Variants in ASTN2 observed in about 807,000 individuals in gnomAD.
ASTN2 encodes the protein astrotactin-2.
A neutral mutation model predicts 139.8 loss-of-function variants in ASTN2; 54 were observed. The observed-to-expected ratio is 0.39, with a 90% CI of 0.31 to 0.48. ASTN2 has a LOEUF of 0.48. Among genes scored for constraint, ASTN2 ranks in the 20% least tolerant of loss-of-function variants. The probability of loss-of-function intolerance (pLI) is 0.95; values close to 1 mark genes in which losing one functional copy is unlikely to be tolerated. For synonymous variants in ASTN2, 756 were observed against 719.5 expected (o/e 1.05, Z -0.81); for missense variants, 1,565 against 1,725.1 (o/e 0.91, Z 1.64).
intron 2 of ASTN2, among the ~76,000 whole-genome samples, chr9:117,229,592 G>C (rs1832826129): frequency 6.6e-6 from 1 of 152,186 alleles, no homozygotes; most frequent in Non-Finnish European, 1.5e-5. Context: ...GATGAGGTCT[G>C]GAAGAGCCTG....
chr9:116,454,750 A>G (rs1402074358), intron 20 of ASTN2, among the ~76,000 whole-genome samples: 1 of 152,194 alleles, frequency 6.6e-6, no homozygotes, highest in Non-Finnish European at 1.5e-5. Context: ...GGACATGGAC[A>G]AAGCTGGAAA....
chr9:117,135,867 C>A (rs139724197), intron 4 of ASTN2, among the ~76,000 whole-genome samples: 60 of 152,186 alleles, frequency 3.9e-4, no homozygotes, highest in African/African-American at 1.4e-3. Flanking sequence ...ACCTAGAAAG[C>A]AAGGCATACT....
At position 116,984,485 on chromosome 9, in the gene ASTN2, G is replaced by A. The variant is rs1459745043; in HGVS notation, c.1592-7700C>T. Among the ~76,000 whole-genome samples the A allele has an allele frequency of 3.9e-5, 6 of 152,172 alleles. No individual in the cohort carries two copies. In the East Asian group the frequency reaches 9.6e-4, roughly 24 times the overall value. On this transcript the variant is annotated intron_variant, in intron 7 of 22. Coordinates refer to ENST00000313400, the MANE Select transcript of ASTN2 (RefSeq NM_001365068.1). ...ATTTTTTCTGAGTCTATTGGTAAGA[G>A]CAGGGTCACTTGAGACCAACGTTCA...
At chr9:117,115,788 G>T (rs894813425) in intron 4 of ASTN2, among the ~76,000 whole-genome samples, 1 of 152,056 alleles carries the variant, frequency 6.6e-6, no homozygotes, top group Non-Finnish European at 1.5e-5. Context: ...CACTTTGGGA[G>T]GCCAAGGCAG....
chr9:116,839,834 C>G (rs947847836), intron 11 of ASTN2, among the ~76,000 whole-genome samples: 1 of 119,170 alleles, frequency 8.4e-6, no homozygotes, highest in African/African-American at 4.6e-5. Context: ...CCACACCCAG[C>G]TGATTTTTTT....
chr9:117,217,676 G>A (rs1315398677), intron 2 of ASTN2, among the ~76,000 whole-genome samples: 1 of 152,144 alleles, frequency 6.6e-6, no homozygotes, highest in Non-Finnish European at 1.5e-5. Flanking sequence ...CACCTCATTG[G>A]GTCATGAAGG....
chr9:116,883,989 T>C (rs1422058355), intron 10 of ASTN2, among the ~76,000 whole-genome samples: 1 of 152,152 alleles, frequency 6.6e-6, no homozygotes, highest in Non-Finnish European at 1.5e-5. Flanking sequence ...TCTTGTGGCA[T>C]CTGAAGGAGA....
chr9:116,630,073 T>C (rs1034435448), intron 17 of ASTN2, among the ~76,000 whole-genome samples: 1 of 152,196 alleles, frequency 6.6e-6, no homozygotes, highest in Non-Finnish European at 1.5e-5. Context: ...TTTTGAAGAC[T>C]TTTCTATTCC....
chr9:117,019,961 G>A (rs533628905), intron 6 of ASTN2, among the ~76,000 whole-genome samples: 4 of 151,324 alleles, frequency 2.6e-5, no homozygotes, highest in Non-Finnish European at 5.9e-5. Flanking sequence ...TATCATCTCA[G>A]ATTTGAAATA....
At chr9:116,583,135 C>A (rs56392634) in intron 19 of ASTN2, 4,874 of 152,256 alleles carry the variant, frequency 0.032, 115 homozygotes, top group Non-Finnish European at 0.043. Context: ...AGGTTCCCAG[C>A]CCAGGAAGTA....
At chr9:117,125,995 A>T (rs1227858255) in intron 4 of ASTN2, among the ~76,000 whole-genome samples, 1 of 149,684 alleles carries the variant, frequency 6.7e-6, no homozygotes, top group East Asian at 1.9e-4. Flanking sequence ...ACATCAAACC[A>T]GCATTTTTCC....
intron 13 of ASTN2, among the ~76,000 whole-genome samples, chr9:116,794,572 C>T (rs1235759748): frequency 6.6e-6 from 1 of 152,116 alleles, no homozygotes; most frequent in East Asian, 1.9e-4. Context: ...GAAGAGCAGC[C>T]CTTCAATCCT....
chr9:116,604,142 G>A (rs780334806), intron 19 of ASTN2, among the ~76,000 whole-genome samples: 1 of 152,128 alleles, frequency 6.6e-6, no homozygotes, highest in Non-Finnish European at 1.5e-5. Flanking sequence ...AATTATGCCT[G>A]TCCTGTTACC....
At chr9:116,980,558 T>C (rs188263960) in intron 7 of ASTN2, among the ~76,000 whole-genome samples, 1 of 152,260 alleles carries the variant, frequency 6.6e-6, no homozygotes, top group Admixed American at 6.5e-5. Flanking sequence ...TTCTGTAAAA[T>C]GGAAGGTTGG....
At chr9:116,885,823 T>C (rs1833581386) in intron 10 of ASTN2, among the ~76,000 whole-genome samples, 1 of 152,224 alleles carries the variant, frequency 6.6e-6, no homozygotes, top group Non-Finnish European at 1.5e-5. Context: ...TTCTGTATGT[T>C]CAATAAGGCT....
intron 22 of ASTN2, among the ~76,000 whole-genome samples, chr9:116,435,564 T>A (rs578159825): frequency 2.2e-4 from 34 of 152,308 alleles, no homozygotes; most frequent in Admixed American, 1.6e-3. Context: ...CCAATAAGAT[T>A]TATATTTTTA....
rs1160327115 is a variant in ASTN2 at position 116,922,665 on chromosome 9, G to A, written c.1889+52543C>T. On this transcript the variant is annotated intron_variant, in intron 10 of 22. Transcript: ENST00000313400. ...TTAATGAGCTGTGAAAAAGAATATT[G>A]TAGATCTGGATGAATTGATATGGAG... is the stretch of plus-strand genomic sequence containing the variant. Among the ~76,000 whole-genome samples, 6 of 152,282 alleles carry A rather than the reference G, an allele frequency of 3.9e-5. 1 individual carries two copies. The East Asian group carries it at 1.2e-3, about 29-fold the overall frequency.
rs1554767994 is a variant in ASTN2, at chr9:116,998,573, A to ATCCATCCATC, written c.1591+9518_1591+9519insGATGGATGGA. On this transcript the variant is annotated intron_variant, in intron 7 of 22. Coordinates refer to ENST00000313400, the MANE Select transcript of ASTN2 (RefSeq NM_001365068.1). ...TTCATCCATCCATCCATCCATCCAT[A>ATCCATCCATC]CATCCATCCATACATCCATGCATCC... Among the ~76,000 whole-genome samples, 27 of 4,154 alleles carry ATCCATCCATC rather than the reference A, an allele frequency of 6.5e-3. 1 individual carries two copies. Among genetic ancestry groups the ATCCATCCATC allele is most frequent in the South Asian group, 0.041 (4 of 98 alleles). 2.7% of individuals were successfully genotyped at this position (4,154 alleles called of 152,430 possible). A position where few individuals can be genotyped will look rare whatever the true frequency, so the allele number is the denominator to read the frequency against.
At chr9:116,586,346 G>A (rs1326320941) in intron 19 of ASTN2, 1 of 152,164 alleles carries the variant, frequency 6.6e-6, no homozygotes, top group African/African-American at 2.4e-5. Context: ...ATGTTTCTGT[G>A]TTCATTGGAG....
Sources: allele counts gnomAD v4.1 joint callset (sites outside exome capture counted in the v4.1 genomes callset), GRCh38; gene constraint gnomAD v4.1.1; transcripts MANE v1.5; gene names NCBI Gene and HGNC (gene_info 2026-07-23, HGNC 2026-07-21).